The following GNAQ variants were observed in gnomAD, a reference collection of about 807,000 sequenced individuals.
GNAQ encodes guanine nucleotide-binding protein G(q) subunit alpha.
In GNAQ, 8 loss-of-function variants were observed where a neutral mutation model predicts 43.9. The ratio of observed to expected loss-of-function variants is 0.18; its 90% confidence interval spans 0.11 to 0.33. The LOEUF is 0.33. GNAQ is among the 10% of genes least tolerant of loss of function. GNAQ has a pLI of 1.00. For synonymous variants in GNAQ, 155 were observed against 170.7 expected (o/e 0.91, Z 0.71); for missense variants, 158 against 450.8 (o/e 0.35, Z 5.88).
chr9:77,820,945 T>C (rs1017059887), intron 2 of GNAQ, among the ~76,000 whole-genome samples: 4 of 152,332 alleles, frequency 2.6e-5, no homozygotes, highest in Admixed American at 6.5e-5. Flanking sequence ...TATGAAATCT[T>C]GTGGTATCTC....
At chr9:77,980,132 TGAAA>T (rs1823351610) in intron 1 of GNAQ, among the ~76,000 whole-genome samples, 1 of 152,188 alleles carries the variant, frequency 6.6e-6, no homozygotes, top group Non-Finnish European at 1.5e-5. Context: ...CCTCAAGCCT[TGAAA>T]GAGTTACTGA....
chr9:78,028,857 T>G (rs898009712), intron 1 of GNAQ, among the ~76,000 whole-genome samples: 5 of 152,038 alleles, frequency 3.3e-5, no homozygotes, highest in Non-Finnish European at 7.4e-5. Context: ...CACGCACAAA[T>G]CCACATTTAG....
chr9:77,807,196 G>T (rs1826842325), intron 3 of GNAQ, among the ~76,000 whole-genome samples: 1 of 152,144 alleles, frequency 6.6e-6, no homozygotes, highest in African/African-American at 2.4e-5. Flanking sequence ...AGGCTTCTTG[G>T]GAAGTGGGGA....
At chr9:77,987,633 C>T (rs995570610) in intron 1 of GNAQ, among the ~76,000 whole-genome samples, 10 of 152,168 alleles carry the variant, frequency 6.6e-5, no homozygotes, top group African/African-American at 1.4e-4. Flanking sequence ...TAAGCAACAT[C>T]GTACCAGGTC....
At chr9:77,822,794 G>T (rs1321554790) in intron 2 of GNAQ, among the ~76,000 whole-genome samples, 1 of 152,026 alleles carries the variant, frequency 6.6e-6, no homozygotes, top group Non-Finnish European at 1.5e-5. Flanking sequence ...TAGAATCTTG[G>T]GGAAGGAATA....
chr9:77,933,167 C>T (rs535471732), intron 1 of GNAQ, among the ~76,000 whole-genome samples: 1 of 152,304 alleles, frequency 6.6e-6, no homozygotes, highest in South Asian at 2.1e-4. Flanking sequence ...CGATTTGTGT[C>T]CTACATTCTC....
chr9:77,896,808 G>A (rs1423551372), intron 2 of GNAQ, among the ~76,000 whole-genome samples: 3 of 152,138 alleles, frequency 2.0e-5, no homozygotes, highest in South Asian at 2.1e-4. Context: ...TTCATTTCAT[G>A]ACCCTAATTA....
intron 1 of GNAQ, among the ~76,000 whole-genome samples, chr9:77,968,728 A>G (rs972939332): frequency 2.0e-5 from 3 of 152,248 alleles, no homozygotes; most frequent in Non-Finnish European, 4.4e-5. Flanking sequence ...AAGTGTACCA[A>G]ACCAAAGGCA....
At chr9:77,743,865 C>G (rs977782818) in intron 5 of GNAQ, among the ~76,000 whole-genome samples, 3 of 152,194 alleles carry the variant, frequency 2.0e-5, no homozygotes, top group Non-Finnish European at 2.9e-5. Flanking sequence ...CAGCTTCCCA[C>G]TGGAAGTCAG....
At chr9:77,739,332 G>A (rs950326055) in intron 5 of GNAQ, among the ~76,000 whole-genome samples, 3 of 152,102 alleles carry the variant, frequency 2.0e-5, no homozygotes, top group Non-Finnish European at 4.4e-5. Flanking sequence ...TTCTCTTTTC[G>A]AGAATTGTCT....
At chr9:77,889,315 G>T (rs1347570243) in intron 2 of GNAQ, among the ~76,000 whole-genome samples, 1 of 149,282 alleles carries the variant, frequency 6.7e-6, no homozygotes, top group East Asian at 2.0e-4. Flanking sequence ...GGAGGTTGAG[G>T]TGGGAGGACT....
intron 1 of GNAQ, among the ~76,000 whole-genome samples, chr9:77,941,228 A>T (rs1829311022): frequency 6.6e-6 from 1 of 152,054 alleles, no homozygotes. Context: ...AAAGCTTTCT[A>T]AAAAAACTCA....
chr9:77,741,893 C>A (rs528005318), intron 5 of GNAQ, among the ~76,000 whole-genome samples: 39 of 152,154 alleles, frequency 2.6e-4, no homozygotes, highest in African/African-American at 2.7e-4. Flanking sequence ...AGGGCAGGGA[C>A]AATAAACCTC....
intron 5 of GNAQ, among the ~76,000 whole-genome samples, chr9:77,761,968 G>A (rs1826038340): frequency 2.3e-5 from 3 of 132,494 alleles, no homozygotes; most frequent in East Asian, 2.4e-4. Context: ...CCCCCCGCCC[G>A]GCCAGCCGCC....
chr9:77,909,255 G>A (rs935708189), intron 2 of GNAQ, among the ~76,000 whole-genome samples: 3 of 152,172 alleles, frequency 2.0e-5, no homozygotes, highest in East Asian at 1.9e-4. Context: ...ACTTTAGTGA[G>A]GTACTTTGAC....
At chr9:77,969,903 T>C (rs1823215024) in intron 1 of GNAQ, among the ~76,000 whole-genome samples, 4 of 152,188 alleles carry the variant, frequency 2.6e-5, no homozygotes, top group Admixed American at 2.6e-4. Flanking sequence ...AAATTCTTCA[T>C]GAGCAACTTC....
intron 2 of GNAQ, among the ~76,000 whole-genome samples, chr9:77,830,090 C>T (rs1827273013): frequency 6.6e-6 from 1 of 152,118 alleles, no homozygotes. Flanking sequence ...GTAGCTGGGA[C>T]TACAAGCATG....
intron 1 of GNAQ, among the ~76,000 whole-genome samples, chr9:77,961,450 G>T (rs936015545): frequency 2.6e-5 from 4 of 152,140 alleles, no homozygotes; most frequent in Non-Finnish European, 5.9e-5. Flanking sequence ...CTTGAGATGT[G>T]CAGAAGGGTG....
chr9:77,846,297 C>G, intron 2 of GNAQ, among the ~76,000 whole-genome samples: 1 of 152,210 alleles, frequency 6.6e-6, no homozygotes, highest in East Asian at 1.9e-4. Context: ...TGCAGCCAAG[C>G]TGTGGCTGCC....
Sources: gnomAD v4.1 joint callset for allele counts (sites outside exome capture counted in the v4.1 genomes callset) on GRCh38, gnomAD v4.1.1 for gene constraint, MANE v1.5 for transcripts, NCBI Gene and HGNC (gene_info 2026-07-23, HGNC 2026-07-21) for gene names.